Variants in PLEKHA8 observed in about 807,000 individuals in gnomAD.
PLEKHA8 encodes pleckstrin homology domain containing A8, also known as pleckstrin homology domain-containing family A member 8.
Under a neutral mutation model 68.2 loss-of-function variants are expected in PLEKHA8, and 36 were observed. That is an observed-to-expected ratio of 0.53 (90% CI 0.40 to 0.70). PLEKHA8 has a LOEUF of 0.70. PLEKHA8 is among the 30% of genes least tolerant of loss of function. PLEKHA8 has a pLI of 0.00. For synonymous variants in PLEKHA8, 211 were observed against 216.1 expected, an observed-to-expected ratio of 0.98 and a Z score of 0.20; for missense variants, 505 against 615.4, an observed-to-expected ratio of 0.82 and a Z score of 1.90.
At chr7:30,114,664 T>C (rs1437281234) in intron 13 of PLEKHA8, among the ~76,000 whole-genome samples, 1 of 152,200 alleles carries the variant, frequency 6.6e-6, no homozygotes, top group Non-Finnish European at 1.5e-5. Flanking sequence ...TCCTCCTGCA[T>C]TTCATTATTT....
chr7:30,049,191 G>A (rs534437245), intron 4 of PLEKHA8, 33 bp from the exon 5 acceptor site: 1 of 1,612,940 alleles, frequency 6.2e-7, no homozygotes, highest in East Asian at 2.2e-5. Flanking sequence ...TTTTGGCAAG[G>A]TAAAGGAGTC....
intron 13 of PLEKHA8, among the ~76,000 whole-genome samples, chr7:30,123,577 G>A (rs1796726906): frequency 6.6e-6 from 1 of 152,184 alleles, no homozygotes; most frequent in African/African-American, 2.4e-5. Flanking sequence ...AACTACTTAA[G>A]GACTTTTTAG....
intron 13 of PLEKHA8, among the ~76,000 whole-genome samples, chr7:30,116,847 C>T (rs1796584049): frequency 6.6e-6 from 1 of 152,128 alleles, no homozygotes; most frequent in Non-Finnish European, 1.5e-5. Flanking sequence ...TGTGAAATAA[C>T]AGAATTTAGC....
rs1004431700 is a variant in PLEKHA8 at position 30,081,330 on chromosome 7, G to C, written c.*2543G>C. 7.1e-6 allele frequency: 7 copies of C among 984,554 alleles called. No homozygotes were observed. Among genetic ancestry groups the C allele is most frequent in the Non-Finnish European group, 8.4e-6 (7 of 829,192 alleles). 61.0% of individuals were successfully genotyped at this position (984,554 alleles called of 1,614,324 possible). A position where few individuals can be genotyped will look rare whatever the true frequency, so the allele number is the denominator to read the frequency against. On this transcript the variant is annotated 3_prime_UTR_variant, in exon 14 of 14. Transcript: ENST00000449726. ...AAAAGTTTGTTTAAGATGTGTAAAA[G>C]TTTGCTTAAGGAACTGAGGATCCTT...
chr7:30,108,677 T>C (rs934643213), intron 13 of PLEKHA8, among the ~76,000 whole-genome samples: 4 of 152,194 alleles, frequency 2.6e-5, no homozygotes, highest in African/African-American at 9.7e-5. Context: ...GAATTGTGCA[T>C]AAATGACCCT....
At position 30,083,405 on chromosome 7, in the gene PLEKHA8, CA is replaced by C. The variant is rs760944997; in HGVS notation, c.*4620del. The C allele has an allele frequency of 9.5e-5, 94 of 984,596 alleles. 1 individual carries two copies. Among genetic ancestry groups the C allele is most frequent in the East Asian group, 1.1e-4 (1 of 8,826 alleles). 61.0% of individuals were successfully genotyped at this position (984,596 alleles called of 1,614,324 possible). On this transcript the variant is annotated 3_prime_UTR_variant, in exon 14 of 14. Coordinates refer to ENST00000449726, the MANE Select transcript of PLEKHA8 (RefSeq NM_001197026.2). ...ACAACGTCATTAGGAGTTCTTTCAA[CA>C]ATTCCATAAATATACTGTTTACTAG... is the stretch of plus-strand genomic sequence containing the variant.
At chr7:30,036,405 A>AG (rs1791082099) in intron 1 of PLEKHA8, among the ~76,000 whole-genome samples, 2 of 137,290 alleles carry the variant, frequency 1.5e-5, no homozygotes, top group African/African-American at 5.5e-5. Context: ...AGGATAGGAT[A>AG]GAATAGATAG....
Position 30,055,285 on chromosome 7 carries a change from A to G in PLEKHA8, c.982A>G (p.Ser328Gly). ...TAGTGACATTGAACTTCTGGAAGAC[A>G]GTGGCATTCCCACAGAAGCATTCTT... ...SFSDIELLEDSGIPTEAFLAS... is the reference protein window; with the variant it reads ...SFSDIELLEDGGIPTEAFLAS... Residue 328 changes from serine (S) to glycine (G), a missense_variant, in exon 9 of 14, where the codon AGT becomes GGT. By Grantham distance (56) the Ser-to-Gly change is moderately conservative (BLOSUM62 0). Coordinates refer to ENST00000449726, the MANE Select transcript of PLEKHA8 (RefSeq NM_001197026.2). 6.2e-7 allele frequency: 1 copy of G among 1,614,162 alleles called. No homozygotes were observed. The highest frequency in any genetic ancestry group is 1.1e-5 in the South Asian group (1 of 91,088).
intron 1 of PLEKHA8, among the ~76,000 whole-genome samples, chr7:30,031,151 G>A (rs1790633798): frequency 6.6e-6 from 1 of 152,220 alleles, no homozygotes; most frequent in African/African-American, 2.4e-5. Flanking sequence ...ACCATCTACT[G>A]TGCTAGGCAC....
intron 13 of PLEKHA8, chr7:30,075,043 C>G (rs1157084244): frequency 6.6e-6 from 1 of 152,136 alleles, no homozygotes; most frequent in Non-Finnish European, 1.5e-5. Flanking sequence ...CAGGAAACCT[C>G]ATAGAATGTA....
rs372485238 is a variant in PLEKHA8 at position 30,052,741 on chromosome 7, C to G, written c.671C>G (p.Ser224Cys). Reference sequence around the variant, plus strand: ...GAGTTGAGCACTTGTGAAAATGGATCTTTAAATATGGAAATAAATGGTGAG... The same window carrying G: ...GAGTTGAGCACTTGTGAAAATGGATGTTTAAATATGGAAATAAATGGTGAG... ...QMELSTCENGSLNMEINGEEE... is the reference protein window; with the variant it reads ...QMELSTCENGCLNMEINGEEE... Residue 224 changes from serine to cysteine, a missense_variant, in exon 7 of 14, where the codon TCT (serine) becomes TGT (cysteine). Transcript: ENST00000449726. 1.3e-6 allele frequency: 2 copies of G among 1,549,288 alleles called. No individual in the cohort carries two copies. The highest frequency in any genetic ancestry group is 8.6e-7 in the Non-Finnish European group (1 of 1,157,052).
chr7:30,113,373 C>G (rs1324696677), intron 13 of PLEKHA8, among the ~76,000 whole-genome samples: 1 of 152,170 alleles, frequency 6.6e-6, no homozygotes, highest in Non-Finnish European at 1.5e-5. Flanking sequence ...TATTTTCCCT[C>G]TATATTTTGA....
In PLEKHA8 at chr7:30,083,601, TC is replaced by T. The variant is rs910915772; in HGVS notation, c.*4815del. 6 of 985,394 alleles carry T rather than the reference TC, an allele frequency of 6.1e-6. No homozygotes were observed. Among genetic ancestry groups the T allele is most frequent in the Non-Finnish European group, 7.2e-6 (6 of 829,918 alleles). The allele number at this position is 985,394 out of a possible 1,614,324, so 61.0% of individuals were successfully genotyped here. On this transcript the variant is annotated 3_prime_UTR_variant, in exon 14 of 14. Transcript: ENST00000449726. ...CTGGTACAGTTGATGCATGCATTGA[TC>T]TTTCTTCTCTGCTGTTTTTATATAG... is the stretch of plus-strand genomic sequence containing the variant.
At chr7:30,118,505 A>G (rs1450584169) in intron 13 of PLEKHA8, among the ~76,000 whole-genome samples, 1 of 152,082 alleles carries the variant, frequency 6.6e-6, no homozygotes, top group Non-Finnish European at 1.5e-5. Context: ...GCTGAAAGCC[A>G]TTGGGATCTT....
chr7:30,090,933 G>A (rs1481409788), downstream of PLEKHA8, among the ~76,000 whole-genome samples: 2 of 152,220 alleles, frequency 1.3e-5, no homozygotes, highest in African/African-American at 4.8e-5. Context: ...GGCCAAGGCA[G>A]GAGGATCGCT....
chr7:30,123,786 A>G (rs1796730800), intron 13 of PLEKHA8, among the ~76,000 whole-genome samples: 1 of 152,202 alleles, frequency 6.6e-6, no homozygotes, highest in Non-Finnish European at 1.5e-5. Flanking sequence ...CGATAACTTT[A>G]CCTGGGCACC....
In PLEKHA8 at chr7:30,083,115, C is replaced by G. The variant is rs1333803873; in HGVS notation, c.*4328C>G. The G allele has an allele frequency of 2.3e-5, 23 of 983,854 alleles. No homozygotes were observed. Among genetic ancestry groups the G allele is most frequent in the Non-Finnish European group, 2.5e-5 (21 of 828,858 alleles). The allele number at this position is 983,854 out of a possible 1,614,324, so 60.9% of individuals were successfully genotyped here. A position where few individuals can be genotyped will look rare whatever the true frequency, so the allele number is the denominator to read the frequency against. On this transcript the variant is annotated 3_prime_UTR_variant, in exon 14 of 14. Transcript: ENST00000449726. ...GTAAAATATATTTTTAGCCATTGTT[C>G]TGTTAGCTGAGCTGATGTGTTTGGT...
rs1405913366 is a variant in PLEKHA8, at chr7:30,028,452, C to T, written c.-311C>T. 1.3e-5 allele frequency: 4 copies of T among 303,752 alleles called. No individual in the cohort carries two copies. The highest frequency in any genetic ancestry group is 2.4e-5 in the Non-Finnish European group (4 of 165,240). 18.8% of individuals were successfully genotyped at this position (303,752 alleles called of 1,614,324 possible). ...CGCCTGCGACCGGCAGCTCGTTCGC[C>T]GCACTTTGGAGGCTTCGGCTGCCCC... On this transcript the variant is annotated 5_prime_UTR_variant, in exon 1 of 14. Transcript: ENST00000449726.
intron 9 of PLEKHA8, among the ~76,000 whole-genome samples, chr7:30,057,459 C>CT (rs566104325): frequency 3.5e-3 from 496 of 143,564 alleles, no homozygotes; most frequent in African/African-American, 6.6e-3. Flanking sequence ...GTTTGGGACT[C>CT]TTTTTTTTTT....
Sources: gnomAD v4.1 joint callset for allele counts (sites outside exome capture counted in the v4.1 genomes callset) on GRCh38, gnomAD v4.1.1 for gene constraint, MANE v1.5 for transcripts, NCBI Gene and HGNC (gene_info 2026-07-23, HGNC 2026-07-21) for gene names.